Variants in SUGCT observed in about 807,000 individuals in gnomAD.
SUGCT encodes the protein succinyl-CoA:glutarate CoA-transferase.
Under a neutral mutation model 55.0 loss-of-function variants are expected in SUGCT, and 41 were observed. That is an observed-to-expected ratio of 0.74 (90% CI 0.58 to 0.97). The LOEUF is 0.97. Among genes scored for constraint, SUGCT ranks in the 50% least tolerant of loss-of-function variants. The pLI, the probability that SUGCT is intolerant of heterozygous loss-of-function variation, is 0.00. For synonymous variants in SUGCT, 187 were observed against 200.4 expected (o/e 0.93, Z 0.56); for missense variants, 568 against 547.8 (o/e 1.04, Z -0.37).
chr7:40,405,808 TAAAAAAAAAAAAAA>T (rs60966218), intron 9 of SUGCT, among the ~76,000 whole-genome samples: 1 of 90,954 alleles, frequency 1.1e-5, no homozygotes, highest in South Asian at 3.8e-4. Flanking sequence ...AGACTCTGTC[TAAAAAAAAAAAAAA>T]AAAAAAAAGA....
intron 7 of SUGCT, among the ~76,000 whole-genome samples, chr7:40,270,931 A>G (rs1398486449): frequency 6.6e-6 from 1 of 152,122 alleles, no homozygotes; most frequent in Non-Finnish European, 1.5e-5. Context: ...ATTTATTTCT[A>G]AGTATTTTAT....
At chr7:40,981,368 G>A in the SUGCT span, among the ~76,000 whole-genome samples, 3 of 152,054 alleles carry the variant, frequency 2.0e-5, no homozygotes, top group Non-Finnish European at 4.4e-5. Flanking sequence ...GTCCCCTTTA[G>A]TTCACACTGG....
chr7:40,249,796 T>C (rs1181035349), intron 7 of SUGCT, among the ~76,000 whole-genome samples: 1 of 151,862 alleles, frequency 6.6e-6, no homozygotes, highest in Non-Finnish European at 1.5e-5. Flanking sequence ...TGACTTTTTG[T>C]GTGTGTGTGT....
intron 12 of SUGCT, among the ~76,000 whole-genome samples, chr7:40,592,129 A>G (rs1165542664): frequency 2.0e-5 from 3 of 152,314 alleles, no homozygotes; most frequent in Admixed American, 6.5e-5. Context: ...GTATGGTAAT[A>G]TTAAACAACA....
intron 13 of SUGCT, among the ~76,000 whole-genome samples, chr7:40,820,872 C>T (rs1384295998): frequency 1.3e-5 from 2 of 152,124 alleles, no homozygotes; most frequent in Non-Finnish European, 1.5e-5. Flanking sequence ...CCCATTTTCG[C>T]CCATTCAGTA....
chr7:40,593,031 A>C (rs958017785), intron 12 of SUGCT, among the ~76,000 whole-genome samples: 13 of 152,196 alleles, frequency 8.5e-5, no homozygotes, highest in African/African-American at 3.1e-4. Context: ...CCTAGGAGAA[A>C]AGCATAGCTT....
chr7:40,196,648 G>T (rs1013059662), intron 6 of SUGCT, among the ~76,000 whole-genome samples: 1 of 152,070 alleles, frequency 6.6e-6, no homozygotes, highest in African/African-American at 2.4e-5. Flanking sequence ...GGCGAAGAGG[G>T]TTTTAGGCAG....
At chr7:40,151,018 C>G (rs1788539372) in intron 1 of SUGCT, among the ~76,000 whole-genome samples, 1 of 152,078 alleles carries the variant, frequency 6.6e-6, no homozygotes, top group Non-Finnish European at 1.5e-5. Flanking sequence ...GGGCGGATTG[C>G]AAGATCAGGA....
chr7:40,322,593 T>C (rs550657327), intron 9 of SUGCT, among the ~76,000 whole-genome samples: 2 of 152,260 alleles, frequency 1.3e-5, no homozygotes, highest in Admixed American at 6.5e-5. Flanking sequence ...CCTTCAGCTA[T>C]AGTGTTGCCC....
intron 12 of SUGCT, among the ~76,000 whole-genome samples, chr7:40,622,986 C>T (rs1799344261): frequency 6.6e-6 from 1 of 152,208 alleles, no homozygotes; most frequent in Admixed American, 6.5e-5. Context: ...TGATTGGAAA[C>T]TTCAGGGCTA....
chr7:40,641,671 G>A (rs767408095), intron 12 of SUGCT, among the ~76,000 whole-genome samples: 20 of 152,306 alleles, frequency 1.3e-4, no homozygotes, highest in Admixed American at 4.6e-4. Context: ...ACACACTTGA[G>A]TTATGGCCCA....
At chr7:40,734,383 A>C (rs774971173) in intron 12 of SUGCT, among the ~76,000 whole-genome samples, 7 of 152,240 alleles carry the variant, frequency 4.6e-5, no homozygotes, top group African/African-American at 7.2e-5. Flanking sequence ...GCTGTCAGAT[A>C]GACACCTTTT....
chr7:40,514,434 C>T (rs954735366), intron 12 of SUGCT, among the ~76,000 whole-genome samples: 2 of 151,870 alleles, frequency 1.3e-5, no homozygotes, highest in East Asian at 3.9e-4. Flanking sequence ...TAAGGCCAGG[C>T]GTGGGGGCTC....
At position 40,268,653 on chromosome 7, in the gene SUGCT, A is replaced by T. The variant is rs373332539; in HGVS notation, c.577-5860A>T. On this transcript the variant is annotated intron_variant, in intron 7 of 13. Coordinates refer to ENST00000335693, the MANE Select transcript of SUGCT (RefSeq NM_001193313.2). Reference sequence around the variant, plus strand: ...ACATGCTTTCATTTTCTTGTTTTTAATTTTTTTTTTTTCCGAGTTGGAGTC... The same window carrying T: ...ACATGCTTTCATTTTCTTGTTTTTATTTTTTTTTTTTTCCGAGTTGGAGTC... 7.5e-3 allele frequency among the ~76,000 whole-genome samples: 1,093 copies of T among 146,570 alleles called. 6 individuals carry two copies. The highest frequency in any genetic ancestry group is 0.025 in the African/African-American group (1,020 of 40,090).
intron 11 of SUGCT, among the ~76,000 whole-genome samples, chr7:40,478,601 T>C (rs1047017392): frequency 6.6e-6 from 1 of 152,178 alleles, no homozygotes; most frequent in Non-Finnish European, 1.5e-5. Flanking sequence ...GATATACATA[T>C]GCATTTTGAA....
At chr7:41,022,153 T>C in the SUGCT span, among the ~76,000 whole-genome samples, 1 of 152,158 alleles carries the variant, frequency 6.6e-6, no homozygotes, top group African/African-American at 2.4e-5. Context: ...CCTAGATACC[T>C]TGTATGTGAA....
At position 40,220,199 on chromosome 7, in the gene SUGCT, A is replaced by G. The variant is rs115520456; in HGVS notation, c.485-17436A>G. On this transcript the variant is annotated intron_variant, in intron 6 of 13. Transcript: ENST00000335693. ...GTTTTGATGTTTATCATCTCTCTCT[A>G]TAAGTGTTTTGATGAGATGTTGAGA... is the stretch of plus-strand genomic sequence containing the variant. Among the ~76,000 whole-genome samples the G allele has an allele frequency of 1.3e-3, 197 of 152,114 alleles. 1 individual carries two copies. The highest frequency in any genetic ancestry group is 4.5e-3 in the African/African-American group (186 of 41,494).
At chr7:40,278,642 C>G (rs186131114) in intron 8 of SUGCT, among the ~76,000 whole-genome samples, 1 of 152,040 alleles carries the variant, frequency 6.6e-6, no homozygotes, top group Non-Finnish European at 1.5e-5. Flanking sequence ...TCTGTCCTCC[C>G]TTTCTTCTCA....
At chr7:40,505,061 G>C (rs185727790) in intron 12 of SUGCT, among the ~76,000 whole-genome samples, 7 of 152,122 alleles carry the variant, frequency 4.6e-5, no homozygotes, top group Admixed American at 4.6e-4. Flanking sequence ...GTATTCTGTT[G>C]GAATATTTTG....
Sources: allele counts gnomAD v4.1 joint callset (sites outside exome capture counted in the v4.1 genomes callset), GRCh38; gene constraint gnomAD v4.1.1; transcripts MANE v1.5; gene names NCBI Gene and HGNC (gene_info 2026-07-23, HGNC 2026-07-21).